The following SPAG5 variants were observed in gnomAD, a reference collection of about 807,000 sequenced individuals.
SPAG5 encodes the protein sperm-associated antigen 5.
A neutral mutation model predicts 145.4 loss-of-function variants in SPAG5; 99 were observed. The ratio of observed to expected loss-of-function variants is 0.68; its 90% CI spans 0.58 to 0.80. The LOEUF is 0.80. Ranked by LOEUF, SPAG5 falls within the 30% of genes least tolerant of loss-of-function variation. SPAG5 has a pLI of 0.00. For synonymous variants in SPAG5, 477 were observed against 525.4 expected, an observed-to-expected ratio of 0.91 and a Z score of 1.26; for missense variants, 1,192 against 1,416.0, an observed-to-expected ratio of 0.84 and a Z score of 2.54.
At position 28,583,897 on chromosome 17, in the gene SPAG5, G is replaced by C; in HGVS notation, c.2502C>G (p.Arg834=). Residue 834 remains arginine, a synonymous_variant, in exon 14 of 24, where the codon CGC becomes CGG. Coordinates refer to ENST00000321765, the MANE Select transcript of SPAG5 (RefSeq NM_006461.4). ...CCTTGAGGTTCTCACACTGCAAGCT[G>C]CGCTCCCGGAGCACTTCCAGTGTGG... ...LKTTLEVLRE[R]SLQCENLKDT... 6.2e-7 allele frequency: 1 copy of C among 1,614,204 alleles called. No homozygotes were observed. Among genetic ancestry groups the C allele is most frequent in the Non-Finnish European group, 8.5e-7 (1 of 1,180,032 alleles).
At chr17:28,597,744 CA>C (rs2070676994) in intron 2 of SPAG5, among the ~76,000 whole-genome samples, 1 of 151,998 alleles carries the variant, frequency 6.6e-6, no homozygotes, top group African/African-American at 2.4e-5. Flanking sequence ...AAGTCATGGT[CA>C]AAAAAGAGGA....
chr17:28,585,852 C>T lies in SPAG5; in HGVS notation c.1740+12G>A. ...ACCTCCCACATCCAAGAACAAATGCCTGTCACCTTACCGCATCCTTGCCTC... is the reference window on the plus strand; with the variant it reads ...ACCTCCCACATCCAAGAACAAATGCTTGTCACCTTACCGCATCCTTGCCTC... On this transcript the variant is annotated intron_variant, in intron 7 of 23. Coordinates refer to ENST00000321765, the MANE Select transcript of SPAG5 (RefSeq NM_006461.4). The T allele has an allele frequency of 1.2e-6, 2 of 1,614,214 alleles. No homozygotes were observed. Among genetic ancestry groups the T allele is most frequent in the Non-Finnish European group, 1.7e-6 (2 of 1,180,046 alleles).
chr17:28,583,859 T>C lies in SPAG5; in HGVS notation c.2540A>G (p.Asn847Ser). Residue 847 changes from asparagine to serine, a missense_variant, in exon 14 of 24, where the codon AAC (asparagine) becomes AGC (serine). Transcript: ENST00000321765. ...QCENLKDTVENLTAKLASTIA... is the reference protein window; with the variant it reads ...QCENLKDTVESLTAKLASTIA... ...AGAAAGTTAGAGAACTTACGTTAGG[T>C]TCTCTACAGTGTCCTTGAGGTTCTC... 2.5e-6 allele frequency: 4 copies of C among 1,612,560 alleles called. No homozygotes were observed. The highest frequency in any genetic ancestry group is 3.4e-6 in the Non-Finnish European group (4 of 1,178,922).
chr17:28,583,439 A>C (rs768247314), intron 15 of SPAG5, 72 bp downstream of exon 15: 7 of 1,451,802 alleles, frequency 4.8e-6, no homozygotes, highest in Non-Finnish European at 6.5e-6. Context: ...GAAAAAGAGT[A>C]ATGTTTTAGG....
rs1406837219 is a variant in SPAG5 at position 28,578,150 on chromosome 17, G to A, written c.3430-60C>T. On this transcript the variant is annotated intron_variant, in intron 22 of 23. Coordinates refer to ENST00000321765, the MANE Select transcript of SPAG5 (RefSeq NM_006461.4). ...TAAAAGAGCAAACTTGGTAGGACAGGGGAAACATGGCGGGGCATTTGTTAA... is the reference window on the plus strand; with the variant it reads ...TAAAAGAGCAAACTTGGTAGGACAGAGGAAACATGGCGGGGCATTTGTTAA... 5 of 1,608,574 alleles carry A rather than the reference G, an allele frequency of 3.1e-6. No homozygotes were observed. The East Asian group carries it at 8.9e-5, about 29-fold the overall frequency.
At chr17:28,593,559 A>T (rs2070639466) in intron 2 of SPAG5, among the ~76,000 whole-genome samples, 1 of 152,072 alleles carries the variant, frequency 6.6e-6, no homozygotes, top group Non-Finnish European at 1.5e-5. Context: ...CTCTACTAAA[A>T]ATACAAACAT....
In SPAG5 at chr17:28,579,443, A is replaced by G. The variant is rs1368708400; in HGVS notation, c.2927T>C (p.Met976Thr). ...MEESLAEMSI[M>T]TTELQSLCSL... ...ACAAAGACTCTGAAGCTCAGTAGTC[A>G]TAATACTCATTTCTGCCAGGCTCTC... The change falls in exon 18 of 24, where the codon ATG becomes ACG. Residue 976 changes from methionine (M) to threonine (T), a missense_variant. Transcript: ENST00000321765. The G allele has an allele frequency of 1.2e-6, 2 of 1,614,162 alleles. No individual in the cohort carries two copies. The highest frequency in any genetic ancestry group is 1.7e-5 in the Admixed American group (1 of 60,030).
intron 2 of SPAG5, among the ~76,000 whole-genome samples, chr17:28,596,182 G>GCAA (rs952569050): frequency 6.6e-6 from 1 of 151,894 alleles, no homozygotes; most frequent in Admixed American, 6.6e-5. Flanking sequence ...TCCAGCCTGG[G>GCAA]CAACAGAGTG....
intron 2 of SPAG5, among the ~76,000 whole-genome samples, chr17:28,594,056 C>G (rs376371605): frequency 2.6e-5 from 4 of 151,792 alleles, no homozygotes; most frequent in African/African-American, 9.7e-5. Flanking sequence ...CCCAGGATAC[C>G]TAACAGTTAA....
intron 4 of SPAG5, among the ~76,000 whole-genome samples, chr17:28,587,640 C>T (rs2070594455): frequency 6.6e-6 from 1 of 150,740 alleles, no homozygotes; most frequent in African/African-American, 2.5e-5. Context: ...ATCCCTTGAG[C>T]CCAGGAGGTA....
In SPAG5 at chr17:28,579,928, C is replaced by T. The variant is rs1008273783; in HGVS notation, c.2797+81G>A. 7 of 1,521,482 alleles carry T rather than the reference C, an allele frequency of 4.6e-6. No homozygotes were observed. In the East Asian group the frequency reaches 6.8e-5, roughly 15 times the overall value. The allele number at this position is 1,521,482 out of a possible 1,614,324, so 94.2% of individuals were successfully genotyped here. On this transcript the variant is annotated intron_variant, in intron 16 of 23. Coordinates refer to ENST00000321765, the MANE Select transcript of SPAG5 (RefSeq NM_006461.4). ...GAAGCCAGGGTAAGATAGACAAGCC[C>T]GCTGGTGGACATCTTCAACAGCAGA...
chr17:28,579,084 T>G, intron 19 of SPAG5, 57 bp downstream of exon 19: 2 of 1,395,380 alleles, frequency 1.4e-6, no homozygotes, highest in South Asian at 2.4e-5. Context: ...TGGCTCCCAG[T>G]GGGCCAGTAG....
At position 28,585,213 on chromosome 17, in the gene SPAG5, A is replaced by ATAC; in HGVS notation, c.1954-1_1955dup (p.Asp651_Tyr652insTer). The ATAC allele has an allele frequency of 6.2e-7, 1 of 1,614,136 alleles. No individual in the cohort carries two copies. The highest frequency in any genetic ancestry group is 8.5e-7 in the Non-Finnish European group (1 of 1,179,984). ...GACTCAGCAAAGCTGTCCATGTTGT[A>ATAC]TACTACCAGGGGAAGCAAGCAGGTC... On this transcript the variant is annotated stop_gained and splice_region_variant, in exon 10 of 24. Coordinates refer to ENST00000321765, the MANE Select transcript of SPAG5 (RefSeq NM_006461.4). LOFTEE classifies it high-confidence loss of function.
chr17:28,592,249 A>C lies in SPAG5; in HGVS notation c.995T>G (p.Leu332Arg). 2 of 1,614,244 alleles carry C rather than the reference A, an allele frequency of 1.2e-6. No individual in the cohort carries two copies. The highest frequency in any genetic ancestry group is 1.7e-6 in the Non-Finnish European group (2 of 1,180,050). ...CATCCAAGACTCTGTATCAGAGCCA[A>C]GAATCCTACCAACATCTTCTACTGC... ...GPAVEDVGRI[L>R]GSDTESWMSP... Residue 332 changes from leucine (L) to arginine (R), a missense_variant, in exon 3 of 24, where the codon CTT becomes CGT. By Grantham distance (102) the Leu-to-Arg change is moderately radical. Around this residue, in one of 5 missense-constraint regions of SPAG5, gnomAD observed 21 missense variants for 48.6 expected, o/e 0.43. Transcript: ENST00000321765.
chr17:28,579,788 G>A lies in SPAG5; in HGVS notation c.2847C>T (p.Phe949=). ...GGGAAACCATTGATGCTACTCGGGT[G>A]AAAGCACTCTTGTCACTTCCAAGCA... ...VPLLGSDKSA[F]TRVASMVSLQ... The change falls in exon 17 of 24, where the codon TTC becomes TTT. Residue 949 remains phenylalanine (F), a synonymous_variant. Coordinates refer to ENST00000321765, the MANE Select transcript of SPAG5 (RefSeq NM_006461.4). 6.2e-7 allele frequency: 1 copy of A among 1,614,200 alleles called. No homozygotes were observed. Among genetic ancestry groups the A allele is most frequent in the South Asian group, 1.1e-5 (1 of 91,088 alleles).
chr17:28,582,425 C>A (rs2070555125), intron 15 of SPAG5, among the ~76,000 whole-genome samples: 1 of 152,204 alleles, frequency 6.6e-6, no homozygotes, highest in Non-Finnish European at 1.5e-5. Context: ...AATACCCTCC[C>A]CTGCCCCACA....
At chr17:28,593,126 T>C (rs2070636032) in intron 2 of SPAG5, 60 bp from the exon 3 acceptor site, 2 of 1,573,548 alleles carry the variant, frequency 1.3e-6, no homozygotes, top group Admixed American at 3.6e-5. Flanking sequence ...GACATACAAT[T>C]ACAGGTGCAA....
At position 28,584,431 on chromosome 17, in the gene SPAG5, T is replaced by C. The variant is rs746226949; in HGVS notation, c.2211A>G (p.Lys737=). 6 of 1,613,994 alleles carry C rather than the reference T, an allele frequency of 3.7e-6. No individual in the cohort carries two copies. Among genetic ancestry groups the C allele is most frequent in the African/African-American group, 1.3e-5 (1 of 74,940 alleles). ...QILANMDSQL[K]ELQSQHTHCA... ...AATGGGTATGCTGACTCTGTAGCTC[T>C]TTTAGCTGGCTGTCCATGTTGGCCA... The change falls in exon 12 of 24, where the codon AAA becomes AAG. Residue 737 remains lysine, a synonymous_variant. Coordinates refer to ENST00000321765, the MANE Select transcript of SPAG5 (RefSeq NM_006461.4).
Position 28,578,734 on chromosome 17 carries a change from C to G in SPAG5, c.3136G>C (p.Glu1046Gln). 1 of 1,613,848 alleles carries G rather than the reference C, an allele frequency of 6.2e-7. No individual in the cohort carries two copies. ...LRYKNEKELQ[E>Q]VIQQQNEKIL... ...TTCTCATTCTGCTGCTGTATCACTT[C>G]CTGGAGCTCCTTTTCATTCTGTGAG... The change falls in exon 20 of 24, where the codon GAA (glutamate) becomes CAA (glutamine). Residue 1046 changes from glutamate (E) to glutamine (Q), a missense_variant. Around this residue, in one of 5 missense-constraint regions of SPAG5, gnomAD observed 709 missense variants for 840.7 expected, o/e 0.84. Transcript: ENST00000321765.
Sources: allele counts gnomAD v4.1 joint callset (sites outside exome capture counted in the v4.1 genomes callset), GRCh38; gene constraint gnomAD v4.1.1; regional missense constraint gnomAD v4.1.1; transcripts MANE v1.5; gene names NCBI Gene and HGNC (gene_info 2026-07-23, HGNC 2026-07-21).